The following MSRA variants were observed in gnomAD, a reference collection of about 807,000 sequenced individuals.
MSRA encodes methionine sulfoxide reductase A.
In MSRA, 54 loss-of-function variants were observed where a neutral mutation model predicts 31.3. The ratio of observed to expected loss-of-function variants is 1.73; its 90% CI spans 1.39 to 2.17. The LOEUF (loss-of-function observed/expected upper bound fraction) is 2.17. MSRA is among the 30% of genes most tolerant of loss of function. The pLI is 0.00. For missense variants in MSRA, 507 were observed against 300.9 expected, an observed-to-expected ratio of 1.69 and a Z score of -5.07; for synonymous variants, 169 against 116.5, an observed-to-expected ratio of 1.45 and a Z score of -2.90.
intron 3 of MSRA, among the ~76,000 whole-genome samples, chr8:10,282,314 T>G (rs1460209146): frequency 6.6e-6 from 1 of 152,168 alleles, no homozygotes; most frequent in African/African-American, 2.4e-5. Flanking sequence ...AGCTTGGAAT[T>G]TATATTTGGA....
intron 5 of MSRA, among the ~76,000 whole-genome samples, chr8:10,338,071 G>T (rs955577211): frequency 2.0e-5 from 3 of 152,104 alleles, no homozygotes; most frequent in African/African-American, 7.2e-5. Context: ...GGGAGAAAAA[G>T]GCAAATAGGA....
intron 5 of MSRA, among the ~76,000 whole-genome samples, chr8:10,344,552 G>A (rs961567887): frequency 5.8e-5 from 8 of 137,228 alleles, no homozygotes; most frequent in Non-Finnish European, 1.1e-4. Context: ...TCCAGCCTGG[G>A]TGACAGAGGG....
At chr8:10,250,691 G>A in intron 3 of MSRA, 1 of 550,298 alleles carries the variant, frequency 1.8e-6, no homozygotes, top group Non-Finnish European at 3.2e-6. Context: ...GTGACCCTCT[G>A]GGGGTGGTGA....
intron 5 of MSRA, among the ~76,000 whole-genome samples, chr8:10,406,476 T>C (rs950670193): frequency 6.6e-6 from 1 of 152,116 alleles, no homozygotes; most frequent in Non-Finnish European, 1.5e-5. Context: ...TTTCAGGTAA[T>C]GAAAGCAAAG....
chr8:10,314,009 C>T (rs1425763401), intron 4 of MSRA, among the ~76,000 whole-genome samples: 1 of 152,054 alleles, frequency 6.6e-6, no homozygotes, highest in Admixed American at 6.5e-5. Flanking sequence ...AAATCAATTC[C>T]AAGTAGATTG....
chr8:10,333,862 C>G (rs1026492547), intron 5 of MSRA, among the ~76,000 whole-genome samples: 42 of 152,174 alleles, frequency 2.8e-4, no homozygotes, highest in African/African-American at 9.4e-4. Flanking sequence ...TGGCAACATT[C>G]CATGAGCACT....
At chr8:10,066,433 A>G (rs1301808183) in intron 1 of MSRA, among the ~76,000 whole-genome samples, 1 of 152,198 alleles carries the variant, frequency 6.6e-6, no homozygotes, top group Non-Finnish European at 1.5e-5. Flanking sequence ...ACACACACGC[A>G]CAATTGTTGG....
intron 1 of MSRA, among the ~76,000 whole-genome samples, chr8:10,139,248 G>A (rs978705135): frequency 1.3e-5 from 2 of 152,196 alleles, no homozygotes; most frequent in African/African-American, 4.8e-5. Flanking sequence ...TTAAGAACAT[G>A]TAATCTGTGA....
chr8:10,415,225 G>A (rs995829263), intron 5 of MSRA, among the ~76,000 whole-genome samples: 3 of 152,180 alleles, frequency 2.0e-5, no homozygotes, highest in African/African-American at 7.2e-5. Context: ...CACCATTCAC[G>A]ATGTGCGGTA....
At chr8:10,310,409 G>A (rs1469249160) in intron 4 of MSRA, among the ~76,000 whole-genome samples, 5 of 152,138 alleles carry the variant, frequency 3.3e-5, no homozygotes, top group Non-Finnish European at 7.4e-5. Flanking sequence ...TATCATACGT[G>A]TTCATAGTAT....
chr8:10,054,853 CTTTG>C (rs896515846), intron 1 of MSRA, among the ~76,000 whole-genome samples, 195 bp downstream of exon 1: 3 of 152,194 alleles, frequency 2.0e-5, no homozygotes, highest in Admixed American at 6.5e-5. Flanking sequence ...GTCCCTTTGT[CTTTG>C]TTTGGCTCGT....
chr8:10,287,836 G>A (rs985676009), intron 3 of MSRA, among the ~76,000 whole-genome samples: 8 of 152,108 alleles, frequency 5.3e-5, no homozygotes, highest in Admixed American at 4.6e-4. Context: ...CTGTAAAGTC[G>A]TCCCTGCGTT....
chr8:10,148,703 G>A (rs891434429), intron 1 of MSRA, among the ~76,000 whole-genome samples: 15 of 147,876 alleles, frequency 1.0e-4, no homozygotes, highest in Non-Finnish European at 1.6e-4. Context: ...TTGGGAGGCC[G>A]AGGCAGGAGG....
chr8:10,217,746 A>T (rs1810118758), intron 2 of MSRA, among the ~76,000 whole-genome samples: 1 of 152,140 alleles, frequency 6.6e-6, no homozygotes, highest in South Asian at 2.1e-4. Flanking sequence ...GATAAGATGG[A>T]TTTTTTACAC....
intron 1 of MSRA, among the ~76,000 whole-genome samples, chr8:10,078,663 C>T (rs532116584): frequency 1.1e-4 from 17 of 152,380 alleles, no homozygotes; most frequent in Admixed American, 3.3e-4. Flanking sequence ...GGCTGAGGCC[C>T]ACGGGAGGAG....
chr8:10,221,162 A>G (rs1463507929), intron 2 of MSRA, among the ~76,000 whole-genome samples: 1 of 152,202 alleles, frequency 6.6e-6, no homozygotes, highest in Non-Finnish European at 1.5e-5. Flanking sequence ...GCAAATAGCC[A>G]GTGCATGCTT....
intron 5 of MSRA, among the ~76,000 whole-genome samples, chr8:10,348,415 G>A (rs571870018): frequency 2.0e-5 from 2 of 100,056 alleles, no homozygotes; most frequent in South Asian, 6.0e-4. Flanking sequence ...TGTCGCCCAG[G>A]CTGGAGTGCA....
intron 1 of MSRA, among the ~76,000 whole-genome samples, chr8:10,137,796 C>G (rs1225384133): frequency 6.6e-6 from 1 of 152,078 alleles, no homozygotes; most frequent in Non-Finnish European, 1.5e-5. Context: ...ACTTGAAAAC[C>G]ATTATGTTAA....
intron 5 of MSRA, among the ~76,000 whole-genome samples, chr8:10,329,382 A>C (rs916951297): frequency 2.0e-5 from 3 of 152,130 alleles, no homozygotes; most frequent in Admixed American, 1.3e-4. Context: ...GCATCACTCA[A>C]GTCTCTGCCT....
Sources: gnomAD v4.1 joint callset for allele counts (sites outside exome capture counted in the v4.1 genomes callset) on GRCh38, gnomAD v4.1.1 for gene constraint, MANE v1.5 for transcripts, NCBI Gene and HGNC (gene_info 2026-07-23, HGNC 2026-07-21) for gene names.